The following GON4L variants were observed in gnomAD, a reference collection of about 807,000 sequenced individuals.
GON4L encodes gon-4 like, also known as GON-4-like protein.
In GON4L, 87 loss-of-function variants were observed where a neutral mutation model predicts 211.8. The ratio of observed to expected loss-of-function variants is 0.41; its 90% CI spans 0.35 to 0.49. GON4L has a LOEUF of 0.49. Ranked by LOEUF, GON4L falls within the 20% of genes least tolerant of loss-of-function variation. The pLI is 0.15. For synonymous variants in GON4L, 875 were observed against 962.6 expected, an observed-to-expected ratio of 0.91 and a Z score of 1.68; for missense variants, 2,155 against 2,659.5, an observed-to-expected ratio of 0.81 and a Z score of 4.17.
At chr1:155,769,449 C>G (rs550404394) in intron 19 of GON4L, among the ~76,000 whole-genome samples, 99 of 152,228 alleles carry the variant, frequency 6.5e-4, no homozygotes, top group African/African-American at 2.3e-3. Context: ...AAGCCCAAAA[C>G]ATCAGTGCAG....
downstream of GON4L, chr1:155,748,628 C>A: frequency 2.5e-6 from 4 of 1,613,286 alleles, no homozygotes; most frequent in Non-Finnish European, 3.4e-6. Flanking sequence ...GAGCAATCAT[C>A]CCTTTCCCCT....
intron 27 of GON4L, among the ~76,000 whole-genome samples, chr1:155,755,977 T>TAAA (rs34653577): frequency 1.6e-5 from 2 of 125,620 alleles, no homozygotes; most frequent in Non-Finnish European, 3.5e-5. Context: ...AAACACGAAT[T>TAAA]AAAAAAAAAA....
chr1:155,841,312 G>A (rs1372150605), intron 2 of GON4L, among the ~76,000 whole-genome samples: 1 of 152,086 alleles, frequency 6.6e-6, no homozygotes, highest in Non-Finnish European at 1.5e-5. Flanking sequence ...TGAAGAGGTG[G>A]GCATGAGAGA....
At chr1:155,823,900 A>C (rs974820126) in intron 3 of GON4L, among the ~76,000 whole-genome samples, 7 of 152,074 alleles carry the variant, frequency 4.6e-5, no homozygotes, top group African/African-American at 1.4e-4. Context: ...CACACACACA[A>C]AAAAACCATT....
chr1:155,819,413 T>C (rs1309181925), intron 6 of GON4L, among the ~76,000 whole-genome samples: 1 of 152,254 alleles, frequency 6.6e-6, no homozygotes, highest in South Asian at 2.1e-4. Flanking sequence ...ATACACCAAT[T>C]CCTTTTCTTG....
intron 2 of GON4L, among the ~76,000 whole-genome samples, chr1:155,847,359 C>T (rs1330004591): frequency 6.6e-6 from 1 of 152,076 alleles, no homozygotes; most frequent in African/African-American, 2.4e-5. Context: ...CACCTGAGGT[C>T]AGGAGTTCAA....
chr1:155,753,465 G>T (rs1202941065), intron 28 of GON4L, 51 bp from the exon 29 acceptor site: 1 of 1,389,936 alleles, frequency 7.2e-7, no homozygotes, highest in African/African-American at 1.4e-5. Flanking sequence ...CTATGTCTTT[G>T]GTTGGGGCCC....
Position 155,765,307 on chromosome 1 carries a change from G to A in GON4L, c.4166C>T (p.Thr1389Ile), listed in dbSNP as rs372324497. The change falls in exon 21 of 32, where the codon ACC becomes ATC. Residue 1389 changes from threonine to isoleucine, a missense_variant. Transcript: ENST00000368331. ...KEEERSQPTKTPSSSQEPPDE... is the reference protein window; with the variant it reads ...KEEERSQPTKIPSSSQEPPDE... ...AGGGGGCTCTTGAGAAGATGAAGGGGTTTTAGTTGGCTGACTCCTCTCCTC... is the reference window on the plus strand; with the variant it reads ...AGGGGGCTCTTGAGAAGATGAAGGGATTTTAGTTGGCTGACTCCTCTCCTC... 114 of 1,614,036 alleles carry A rather than the reference G, an allele frequency of 7.1e-5. 1 individual carries two copies. The highest frequency in any genetic ancestry group is 9.6e-5 in the Non-Finnish European group (113 of 1,180,024).
At chr1:155,803,201 C>T (rs1235300678) in intron 11 of GON4L, among the ~76,000 whole-genome samples, 2 of 151,812 alleles carry the variant, frequency 1.3e-5, no homozygotes, top group Non-Finnish European at 2.9e-5. Flanking sequence ...TCCTGACTTA[C>T]TCCTAGCATT....
intron 11 of GON4L, among the ~76,000 whole-genome samples, chr1:155,800,939 C>CT (rs1666598307): frequency 6.6e-6 from 1 of 151,308 alleles, no homozygotes; most frequent in African/African-American, 2.4e-5. Context: ...GGTTCTACTC[C>CT]TAGGAGTATA....
chr1:155,795,020 G>C, intron 12 of GON4L, 30 bp downstream of exon 12: 2 of 1,212,742 alleles, frequency 1.6e-6, no homozygotes, highest in Non-Finnish European at 2.5e-6. Context: ...AAGCAGTCAA[G>C]AGCAGGACTT....
intron 23 of GON4L, 63 bp from the exon 24 acceptor site, chr1:155,760,704 A>T: frequency 9.1e-7 from 1 of 1,099,260 alleles, no homozygotes; most frequent in Non-Finnish European, 1.4e-6. Flanking sequence ...CAATAAGGGT[A>T]CAAGGGAGAA....
intron 2 of GON4L, among the ~76,000 whole-genome samples, chr1:155,841,646 C>T (rs1404823419): frequency 2.6e-5 from 4 of 152,202 alleles, no homozygotes; most frequent in Non-Finnish European, 5.9e-5. Flanking sequence ...TGGCCATCAG[C>T]GTCCCACCAA....
intron 5 of GON4L, 24 bp from the exon 6 acceptor site, chr1:155,820,680 A>C: frequency 1.3e-6 from 2 of 1,569,414 alleles, no homozygotes; most frequent in Non-Finnish European, 1.8e-6. Flanking sequence ...AACAGAAAGG[A>C]AATCCTCAAT....
At position 155,826,963 on chromosome 1, in the gene GON4L, G is replaced by A. The variant is rs756330355; in HGVS notation, c.571C>T (p.Pro191Ser). Reference sequence around the variant, plus strand: ...GTTGATTTCCTGGGCTGGCTTACTGGTTTTGCAGATTGGCTGCCTGATGGC... The same window carrying A: ...GTTGATTTCCTGGGCTGGCTTACTGATTTTGCAGATTGGCTGCCTGATGGC... ...SLPSGSQSAK[P>S]VSQPRKSTQP... Residue 191 changes from proline to serine, a missense_variant, in exon 3 of 32, where the codon CCA becomes TCA. Transcript: ENST00000368331. 6.2e-7 allele frequency: 1 copy of A among 1,614,026 alleles called. No homozygotes were observed. The highest frequency in any genetic ancestry group is 8.5e-7 in the Non-Finnish European group (1 of 1,179,860).
chr1:155,785,924 G>A (rs1034201971), intron 12 of GON4L, among the ~76,000 whole-genome samples: 8 of 152,054 alleles, frequency 5.3e-5, no homozygotes, highest in Non-Finnish European at 7.4e-5. Context: ...GTGAAACCCC[G>A]TCTCTATTAA....
intron 2 of GON4L, among the ~76,000 whole-genome samples, chr1:155,843,231 A>G (rs1670941589): frequency 1.3e-5 from 2 of 152,194 alleles, no homozygotes; most frequent in Non-Finnish European, 2.9e-5. Context: ...CTCGCTGTGG[A>G]ATGGGAACAA....
chr1:155,852,778 T>C (rs556467482), intron 2 of GON4L, among the ~76,000 whole-genome samples: 1 of 151,476 alleles, frequency 6.6e-6, no homozygotes, highest in Non-Finnish European at 1.5e-5. Context: ...GAAGTGGATA[T>C]AGCGAATGGG....
chr1:155,800,650 G>A (rs566427141), intron 11 of GON4L, among the ~76,000 whole-genome samples: 2 of 152,078 alleles, frequency 1.3e-5, no homozygotes, highest in South Asian at 2.1e-4. Context: ...TCAGGAGTTC[G>A]AGACAAGCCT....
Sources: allele counts gnomAD v4.1 joint callset (sites outside exome capture counted in the v4.1 genomes callset), GRCh38; gene constraint gnomAD v4.1.1; transcripts MANE v1.5; gene names NCBI Gene and HGNC (gene_info 2026-07-23, HGNC 2026-07-21).